Variants in DLGAP2 observed in about 807,000 individuals in gnomAD.
DLGAP2 encodes disks large-associated protein 2.
In DLGAP2, 26 loss-of-function variants were observed where a neutral mutation model predicts 100.3. That is an observed-to-expected ratio of 0.26 (90% confidence interval 0.19 to 0.36). The LOEUF is 0.36. Ranked by LOEUF, DLGAP2 falls within the 10% of genes least tolerant of loss-of-function variation. DLGAP2 has a pLI of 1.00. For synonymous variants in DLGAP2, 886 were observed against 630.1 expected (o/e 1.41, Z -6.08); for missense variants, 1,858 against 1,453.2 (o/e 1.28, Z -4.53).
At chr8:913,150 C>G (rs1384133261) in intron 2 of DLGAP2, among the ~76,000 whole-genome samples, 1 of 152,160 alleles carries the variant, frequency 6.6e-6, no homozygotes, top group Non-Finnish European at 1.5e-5. Context: ...ATTTTGGAAG[C>G]CTACAGGTTG....
intron 3 of DLGAP2, among the ~76,000 whole-genome samples, chr8:1,392,021 T>G (rs1474332980): frequency 6.6e-6 from 1 of 152,246 alleles, no homozygotes; most frequent in Non-Finnish European, 1.5e-5. Context: ...AAGAACTGTT[T>G]GAATCGCCTT....
chr8:918,568 G>T (rs1412804503), intron 2 of DLGAP2, among the ~76,000 whole-genome samples: 1 of 152,290 alleles, frequency 6.6e-6, no homozygotes, highest in East Asian at 1.9e-4. Context: ...AGGTGTACTT[G>T]GTGTTCACCG....
intron 6 of DLGAP2, among the ~76,000 whole-genome samples, chr8:1,567,632 G>A (rs1361882367): frequency 6.6e-6 from 1 of 152,186 alleles, no homozygotes; most frequent in Non-Finnish European, 1.5e-5. Context: ...GGCAGAGACA[G>A]TGTCTCATTC....
chr8:1,574,502 C>G (rs1047498725), intron 6 of DLGAP2, among the ~76,000 whole-genome samples: 5 of 152,172 alleles, frequency 3.3e-5, no homozygotes, highest in African/African-American at 1.2e-4. Flanking sequence ...CCCCCGGAGG[C>G]AGCAGAATCT....
rs770642824 is a variant in DLGAP2, at chr8:1,549,549, C to T, written c.1096C>T (p.Leu366=). The change falls in exon 5 of 15, where the codon CTG becomes TTG. Residue 366 remains leucine (L), a synonymous_variant. Coordinates refer to ENST00000637795, the MANE Select transcript of DLGAP2 (RefSeq NM_001346810.2). ...GGCGCTGACGCCCGACGCCAAGTAC[C>T]TGAAGCGCAGCTCCTGGTCTACGCT... is the stretch of plus-strand genomic sequence containing the variant. ...GLALTPDAKY[L]KRSSWSTLTV... 3.1e-6 allele frequency: 5 copies of T among 1,613,260 alleles called. No individual in the cohort carries two copies. In the South Asian group the frequency reaches 5.5e-5, roughly 18 times the overall value.
chr8:1,264,775 A>C (rs1021973644), intron 3 of DLGAP2, among the ~76,000 whole-genome samples: 1 of 152,074 alleles, frequency 6.6e-6, no homozygotes. Context: ...CTGTGTCCCC[A>C]CCCAAATCTC....
At chr8:1,687,522 C>T (rs1282293590) in intron 12 of DLGAP2, among the ~76,000 whole-genome samples, 2 of 152,244 alleles carry the variant, frequency 1.3e-5, no homozygotes, top group African/African-American at 4.8e-5. Context: ...ATCATTCTCA[C>T]TCACTGAACA....
chr8:832,827 C>T (rs1443790138), intron 1 of DLGAP2, among the ~76,000 whole-genome samples: 1 of 152,192 alleles, frequency 6.6e-6, no homozygotes, highest in Non-Finnish European at 1.5e-5. Flanking sequence ...GGGAGCTGAG[C>T]AGCGAAGACA....
At chr8:1,059,277 C>A (rs548563799) in intron 2 of DLGAP2, among the ~76,000 whole-genome samples, 48 of 152,144 alleles carry the variant, frequency 3.2e-4, no homozygotes, top group African/African-American at 1.1e-3. Context: ...CATACTCCAT[C>A]CCCGAGGGCC....
intron 3 of DLGAP2, among the ~76,000 whole-genome samples, chr8:1,370,583 G>A (rs528155411): frequency 6.6e-6 from 1 of 152,300 alleles, no homozygotes; most frequent in East Asian, 1.9e-4. Context: ...TACAAAAGAA[G>A]AAAAGCTGTC....
At chr8:775,848 A>G (rs1482275783) in intron 1 of DLGAP2, among the ~76,000 whole-genome samples, 3 of 146,502 alleles carry the variant, frequency 2.0e-5, no homozygotes, top group Admixed American at 6.8e-5. Context: ...TTGGTATCAG[A>G]ATGATGCTGG....
chr8:1,125,370 A>T (rs185925584), intron 2 of DLGAP2, among the ~76,000 whole-genome samples: 8 of 152,280 alleles, frequency 5.3e-5, no homozygotes, highest in East Asian at 1.9e-4. Flanking sequence ...AATTTTTTTT[A>T]TGGAAAAAAA....
intron 7 of DLGAP2, among the ~76,000 whole-genome samples, chr8:1,630,812 C>A (rs73543234): frequency 0.059 from 8,907 of 152,182 alleles, 848 homozygotes; most frequent in African/African-American, 0.2. Flanking sequence ...TATGTCCATG[C>A]CGTTTCCTCC....
At chr8:1,104,466 A>G (rs1364056688) in intron 2 of DLGAP2, among the ~76,000 whole-genome samples, 1 of 152,192 alleles carries the variant, frequency 6.6e-6, no homozygotes, top group Non-Finnish European at 1.5e-5. Flanking sequence ...TGTGGGCCAG[A>G]GCAGATGCCT....
chr8:1,173,042 T>A (rs907497242), intron 2 of DLGAP2, among the ~76,000 whole-genome samples: 2 of 152,178 alleles, frequency 1.3e-5, no homozygotes, highest in Non-Finnish European at 2.9e-5. Context: ...ATGATGGTGA[T>A]GTACAGATGG....
intron 1 of DLGAP2, among the ~76,000 whole-genome samples, chr8:859,265 C>T (rs749776950): frequency 1.3e-5 from 2 of 152,190 alleles, no homozygotes; most frequent in Admixed American, 6.5e-5. Context: ...GCGCACGCCA[C>T]GAAGCCTGGC....
At position 1,705,686 on chromosome 8, in the gene DLGAP2, C is replaced by A. The variant is rs182940573; in HGVS notation, c.*4280C>A. 6 of 152,318 alleles carry A rather than the reference C, an allele frequency of 3.9e-5. No homozygotes were observed. In the East Asian group the frequency reaches 1.2e-3, roughly 29 times the overall value. 9.4% of individuals were successfully genotyped at this position (152,318 alleles called of 1,614,324 possible). ...CCACATGGTTCCTGCCTGCTCATTT[C>A]CCAGCCCTCTTCTTCTCAAGCCTGA... is the stretch of plus-strand genomic sequence containing the variant. On this transcript the variant is annotated 3_prime_UTR_variant, in exon 15 of 15. Transcript: ENST00000637795.
chr8:1,298,006 C>T (rs111887852), intron 3 of DLGAP2, among the ~76,000 whole-genome samples: 2 of 32,254 alleles, frequency 6.2e-5, no homozygotes, highest in Admixed American at 7.3e-4. Flanking sequence ...ACAGACACCA[C>T]GTGAGACAGG....
At chr8:1,330,594 A>C (rs1324646869) in intron 3 of DLGAP2, among the ~76,000 whole-genome samples, 2 of 126,408 alleles carry the variant, frequency 1.6e-5, no homozygotes, top group African/African-American at 6.0e-5. Flanking sequence ...GCACCGCTTC[A>C]CGGGGACCGA....
Sources: gnomAD v4.1 joint callset for allele counts (sites outside exome capture counted in the v4.1 genomes callset) on GRCh38, gnomAD v4.1.1 for gene constraint, MANE v1.5 for transcripts, NCBI Gene and HGNC (gene_info 2026-07-23, HGNC 2026-07-21) for gene names.